Variants in ROR2 observed in about 807,000 individuals in gnomAD.
The protein encoded by ROR2 is ROR family WNT receptor 2.
Under a neutral mutation model 74.9 loss-of-function variants are expected in ROR2, and 33 were observed. The ratio of observed to expected loss-of-function variants is 0.44; its 90% CI spans 0.33 to 0.59. ROR2 has a LOEUF of 0.59. ROR2 is among the 20% of genes least tolerant of loss of function. ROR2 has a pLI of 0.02. For synonymous variants in ROR2, 586 were observed against 558.7 expected (o/e 1.05, Z -0.69); for missense variants, 1,216 against 1,313.8 (o/e 0.93, Z 1.15).
At chr9:91,850,556 G>T (rs1339185683) in intron 1 of ROR2, among the ~76,000 whole-genome samples, 1 of 152,206 alleles carries the variant, frequency 6.6e-6, no homozygotes, top group Non-Finnish European at 1.5e-5. Flanking sequence ...GAACCCAGGT[G>T]GGTCTGGAAG....
intron 1 of ROR2, among the ~76,000 whole-genome samples, chr9:91,787,430 G>C (rs1270618701): frequency 6.6e-6 from 1 of 152,174 alleles, no homozygotes; most frequent in East Asian, 1.9e-4. Flanking sequence ...AGAATCACTT[G>C]AACCCTGGAG....
At chr9:91,851,080 C>T (rs574566448) in intron 1 of ROR2, among the ~76,000 whole-genome samples, 2 of 152,084 alleles carry the variant, frequency 1.3e-5, no homozygotes, top group South Asian at 2.1e-4. Flanking sequence ...CGGCCGGGCG[C>T]GGTGGCTCAT....
At chr9:91,816,372 C>G (rs571236467) in intron 1 of ROR2, among the ~76,000 whole-genome samples, 1 of 152,204 alleles carries the variant, frequency 6.6e-6, no homozygotes, top group African/African-American at 2.4e-5. Flanking sequence ...TTCACCAACC[C>G]CAGCCGAGGA....
In ROR2 at chr9:91,922,688, C is replaced by T. The variant is rs542422699; in HGVS notation, c.97+27179G>A. On this transcript the variant is annotated intron_variant, in intron 1 of 8. Transcript: ENST00000375708. ...CAGGATGGTCTCGATCTCCTGACCT[C>T]GTGATCCACCTGCCTTGGCCTCTTG... Among the ~76,000 whole-genome samples the T allele has an allele frequency of 2.6e-3, 389 of 152,246 alleles. 1 individual carries two copies. Among genetic ancestry groups the T allele is most frequent in the Non-Finnish European group, 4.1e-3 (280 of 68,016 alleles).
chr9:91,878,210 G>GA (rs1044368502), intron 1 of ROR2, among the ~76,000 whole-genome samples: 1 of 152,154 alleles, frequency 6.6e-6, no homozygotes, highest in South Asian at 2.1e-4. Flanking sequence ...TGGGGCAAGG[G>GA]AAATGGCAGG....
intron 2 of ROR2, among the ~76,000 whole-genome samples, chr9:91,769,697 G>T (rs2118905459): frequency 6.6e-6 from 1 of 152,214 alleles, no homozygotes; most frequent in East Asian, 1.9e-4. Context: ...CTCTCAGTGG[G>T]GCTCAGCCTC....
chr9:91,740,728 C>T (rs1021617044), intron 4 of ROR2, among the ~76,000 whole-genome samples: 3 of 151,970 alleles, frequency 2.0e-5, no homozygotes, highest in South Asian at 4.1e-4. Flanking sequence ...ACATTTGGGG[C>T]CTTGGAAGAG....
At chr9:91,940,555 C>G (rs1035523306) in intron 1 of ROR2, among the ~76,000 whole-genome samples, 5 of 149,938 alleles carry the variant, frequency 3.3e-5, no homozygotes, top group African/African-American at 1.2e-4. Context: ...ATCCTCAGTC[C>G]CTGTGACACC....
At chr9:91,727,333 A>T (rs1011541748) in intron 7 of ROR2, among the ~76,000 whole-genome samples, 1 of 152,226 alleles carries the variant, frequency 6.6e-6, no homozygotes, top group African/African-American at 2.4e-5. Flanking sequence ...ACAATATGCA[A>T]CAGGGGCACA....
chr9:91,847,647 T>C (rs982345916), intron 1 of ROR2, among the ~76,000 whole-genome samples: 1 of 151,870 alleles, frequency 6.6e-6, no homozygotes, highest in African/African-American at 2.4e-5. Flanking sequence ...GCTTTTCTCA[T>C]TTCCGTGTGC....
chr9:91,842,117 G>T (rs1316959870), intron 1 of ROR2, among the ~76,000 whole-genome samples: 2 of 152,138 alleles, frequency 1.3e-5, no homozygotes, highest in Admixed American at 1.3e-4. Flanking sequence ...GCAGAATAAA[G>T]AAGAGAGAGA....
intron 1 of ROR2, among the ~76,000 whole-genome samples, chr9:91,920,337 C>T (rs1200569348): frequency 6.6e-6 from 1 of 152,136 alleles, no homozygotes; most frequent in Non-Finnish European, 1.5e-5. Context: ...GAGACACTAT[C>T]TCTACAAAAT....
chr9:91,901,121 A>G (rs1830667055), intron 1 of ROR2, among the ~76,000 whole-genome samples: 1 of 152,202 alleles, frequency 6.6e-6, no homozygotes, highest in African/African-American at 2.4e-5. Flanking sequence ...CTGTCTTGTA[A>G]AACTGTGTTA....
rs571917680 is a variant in ROR2 at position 91,740,535 on chromosome 9, A to G, written c.495-3017T>C. The stretch of plus-strand genomic sequence containing the variant: ...CCACTGCACTCCAGCCTGGGTGACA[A>G]AGCAAGACTCTGTTTCGGGCGGGGG... On this transcript the variant is annotated intron_variant, in intron 4 of 8. Transcript: ENST00000375708. 3.7e-4 allele frequency among the ~76,000 whole-genome samples: 55 copies of G among 149,510 alleles called. 1 individual carries two copies. In the East Asian group the frequency reaches 9.6e-3, roughly 26 times the overall value.
At chr9:91,904,022 G>T (rs368876536) in intron 1 of ROR2, among the ~76,000 whole-genome samples, 3 of 149,086 alleles carry the variant, frequency 2.0e-5, no homozygotes, top group South Asian at 2.1e-4. Context: ...CCTTTTTTTT[G>T]ATTTTTTGTT....
At chr9:91,754,180 A>C (rs1825669711) in intron 4 of ROR2, among the ~76,000 whole-genome samples, 1 of 151,540 alleles carries the variant, frequency 6.6e-6, no homozygotes, top group Non-Finnish European at 1.5e-5. Context: ...CAATGTAAAA[A>C]TATTGTGAAA....
At chr9:91,753,126 A>G (rs1825640553) in intron 4 of ROR2, among the ~76,000 whole-genome samples, 1 of 152,250 alleles carries the variant, frequency 6.6e-6, no homozygotes, top group Non-Finnish European at 1.5e-5. Context: ...TCAAACTACC[A>G]TCAGAATCTT....
chr9:91,722,637 G>A lies in ROR2; in HGVS notation c.*1025C>T, dbSNP rs1836840978. On this transcript the variant is annotated 3_prime_UTR_variant, in exon 9 of 9. Transcript: ENST00000375708. ...ACTTTATTGGATACACCGGGTGTGG[G>A]ATTTACAAATAGGACCAACAATGTG... 1 of 779,796 alleles carries A rather than the reference G, an allele frequency of 1.3e-6. No homozygotes were observed. The highest frequency in any genetic ancestry group is 2.4e-6 in the Non-Finnish European group (1 of 417,952). The allele number at this position is 779,796 out of a possible 1,614,324, so 48.3% of individuals were successfully genotyped here.
chr9:91,728,812 C>G (rs1249265156), intron 7 of ROR2, among the ~76,000 whole-genome samples: 2 of 152,204 alleles, frequency 1.3e-5, no homozygotes. Context: ...ATCTCTTGGA[C>G]AGCAGCTCAT....
Sources: gnomAD v4.1 joint callset for allele counts (sites outside exome capture counted in the v4.1 genomes callset) on GRCh38, gnomAD v4.1.1 for gene constraint, MANE v1.5 for transcripts, NCBI Gene and HGNC (gene_info 2026-07-23, HGNC 2026-07-21) for gene names.